SPAST: variants seen among roughly 807,000 people sequenced by gnomAD.
SPAST encodes the protein spastin.
A neutral mutation model predicts 76.6 loss-of-function variants in SPAST; 30 were observed. That is an observed-to-expected ratio of 0.39 (90% CI 0.29 to 0.53). SPAST has a LOEUF of 0.53. SPAST is among the 20% of genes least tolerant of loss of function. SPAST has a pLI of 0.68. For missense variants in SPAST, 717 were observed against 770.5 expected, an observed-to-expected ratio of 0.93 and a Z score of 0.82; for synonymous variants, 305 against 281.0, an observed-to-expected ratio of 1.09 and a Z score of -0.86.
intron 1 of SPAST, among the ~76,000 whole-genome samples, chr2:32,074,001 T>C (rs1217693785): frequency 6.6e-6 from 1 of 152,194 alleles, no homozygotes; most frequent in Non-Finnish European, 1.5e-5. Flanking sequence ...TTATCTATGG[T>C]TGAGCAAGTG....
rs121908515 is a variant in SPAST at position 32,063,962 on chromosome 2, C to T, written c.131C>T (p.Ser44Leu). 12,656 of 1,612,216 alleles carry T rather than the reference C, an allele frequency of 7.9e-3. 71 individuals carry two copies. Among genetic ancestry groups the T allele is most frequent in the Non-Finnish European group, 9.9e-3 (11,700 of 1,179,022 alleles). The change falls in exon 1 of 17, where the codon TCG becomes TTG. Residue 44 changes from serine to leucine, a missense_variant. Transcript: ENST00000315285. ...GCCGGGCCGGCCCCTCCGCCCGAGT[C>T]GCCGCATAAGCGGAACCTGTACTAT... is the stretch of plus-strand genomic sequence containing the variant. ...PAAGPAPPPE[S>L]PHKRNLYYFS...
chr2:32,151,111 ATT>A (rs1046375587), intron 16 of SPAST, among the ~76,000 whole-genome samples: 3 of 151,824 alleles, frequency 2.0e-5, no homozygotes, highest in African/African-American at 7.3e-5. Flanking sequence ...TGCCTGGCTA[ATT>A]TTGTGTTTTT....
At chr2:32,122,584 A>T (rs1280822076) in intron 7 of SPAST, among the ~76,000 whole-genome samples, 1 of 152,040 alleles carries the variant, frequency 6.6e-6, no homozygotes, top group Non-Finnish European at 1.5e-5. Context: ...GGCCTCCCAA[A>T]GTGCTGGGAT....
At chr2:32,147,058 A>G (rs1679909750) in intron 15 of SPAST, 160 bp from the exon 16 acceptor site, 1 of 591,208 alleles carries the variant, frequency 1.7e-6, no homozygotes, top group Non-Finnish European at 3.0e-6. Flanking sequence ...CAGCATTTAT[A>G]AATTGTATTT....
intron 3 of SPAST, among the ~76,000 whole-genome samples, chr2:32,090,461 A>G (rs1462763849): frequency 6.6e-6 from 1 of 152,188 alleles, no homozygotes; most frequent in Non-Finnish European, 1.5e-5. Flanking sequence ...AAAGATAAGG[A>G]TGTCAAAATA....
intron 16 of SPAST, among the ~76,000 whole-genome samples, chr2:32,150,231 C>G (rs1489747565): frequency 7.3e-6 from 1 of 137,596 alleles, no homozygotes; most frequent in Admixed American, 8.0e-5. Flanking sequence ...CGCCACCACG[C>G]CCAGCTAATT....
intron 9 of SPAST, chr2:32,130,309 A>G (rs1318843795): frequency 6.7e-6 from 1 of 150,348 alleles, no homozygotes; most frequent in African/African-American, 2.5e-5. Context: ...ACAAAACAAA[A>G]CAAACTTTTA....
chr2:32,117,021 G>A (rs1309042873), intron 7 of SPAST, among the ~76,000 whole-genome samples: 1 of 151,932 alleles, frequency 6.6e-6, no homozygotes, highest in Non-Finnish European at 1.5e-5. Context: ...AGCACTTTGG[G>A]AGGCTGAGGC....
intron 7 of SPAST, chr2:32,126,459 GGTTTT>G (rs1044475714): frequency 3.8e-5 from 5 of 130,520 alleles, no homozygotes; most frequent in Non-Finnish European, 6.6e-5. Context: ...CCGAGGAGTT[GGTTTT>G]ATTTCTTTTT....
rs147095433 is a variant in SPAST at position 32,149,533 on chromosome 2, G to A, written c.1728+2275G>A. Among the ~76,000 whole-genome samples the A allele has an allele frequency of 9.1e-4, 139 of 152,222 alleles. 4 individuals carry two copies. In the East Asian group the frequency reaches 0.025, roughly 27 times the overall value. On this transcript the variant is annotated intron_variant, in intron 16 of 16. Transcript: ENST00000315285. ...CTCTGTGAGCAAAATTTTGAAATCAGGCTTGAATTACAGTCAGCCTTTTCT... is the reference window on the plus strand; with the variant it reads ...CTCTGTGAGCAAAATTTTGAAATCAAGCTTGAATTACAGTCAGCCTTTTCT...
intron 3 of SPAST, among the ~76,000 whole-genome samples, chr2:32,096,541 T>C (rs1409414977): frequency 6.6e-6 from 1 of 152,218 alleles, no homozygotes; most frequent in Non-Finnish European, 1.5e-5. Context: ...TTGGAGCAGG[T>C]TCACAGAAGC....
Position 32,082,005 on chromosome 2 carries a change from CTTT to C in SPAST, c.416-5466_416-5464del, listed in dbSNP as rs35493322. ...TAAAACTTTTTTTCTAGTTCTCTCT[CTTT>C]TTTTTTTTTTTTTTTTTTTTGAGAC... On this transcript the variant is annotated intron_variant, in intron 1 of 16. Transcript: ENST00000315285. Among the ~76,000 whole-genome samples, 337 of 71,228 alleles carry C rather than the reference CTTT, an allele frequency of 4.7e-3. 1 individual carries two copies. The highest frequency in any genetic ancestry group is 0.017 in the African/African-American group (323 of 19,056). The allele number at this position is 71,228 out of a possible 152,430, so 46.7% of individuals were successfully genotyped here.
intron 4 of SPAST, among the ~76,000 whole-genome samples, chr2:32,105,696 G>A (rs944793369): frequency 6.6e-6 from 1 of 152,190 alleles, no homozygotes; most frequent in African/African-American, 2.4e-5. Context: ...ACCCTCAGCT[G>A]CAGGTCTGTT....
At chr2:32,110,666 T>C (rs534128591) in intron 4 of SPAST, among the ~76,000 whole-genome samples, 12 of 138,570 alleles carry the variant, frequency 8.7e-5, no homozygotes, top group African/African-American at 2.7e-4. Flanking sequence ...ATAGTATATA[T>C]AGTATATATA....
chr2:32,073,962 C>G (rs966833110), intron 1 of SPAST, among the ~76,000 whole-genome samples: 1 of 152,104 alleles, frequency 6.6e-6, no homozygotes, highest in Admixed American at 6.6e-5. Flanking sequence ...TTGTCAATGC[C>G]CTCCAGTCAG....
intron 10 of SPAST, 57 bp from the exon 11 acceptor site, chr2:32,136,820 C>A (rs1679550362): frequency 1.6e-5 from 22 of 1,381,340 alleles, no homozygotes; most frequent in Non-Finnish European, 2.0e-5. Flanking sequence ...AGATTAATCT[C>A]AGATGACTCA....
At chr2:32,142,995 G>T (rs897803866) in intron 13 of SPAST, among the ~76,000 whole-genome samples, 3 of 152,108 alleles carry the variant, frequency 2.0e-5, no homozygotes, top group African/African-American at 4.8e-5. Flanking sequence ...TCCAGGTGTG[G>T]TGTCTCACGC....
At chr2:32,146,285 G>A (rs144116585) in intron 15 of SPAST, among the ~76,000 whole-genome samples, 3 of 152,308 alleles carry the variant, frequency 2.0e-5, no homozygotes, top group African/African-American at 7.2e-5. Context: ...ATGGCCGGGT[G>A]CAGTGGCTCA....
intron 7 of SPAST, among the ~76,000 whole-genome samples, chr2:32,126,042 G>A (rs900904899): frequency 3.3e-5 from 5 of 152,064 alleles, no homozygotes; most frequent in African/African-American, 1.2e-4. Flanking sequence ...TGATCCGCCC[G>A]CCTTGGCCTC....
Sources: gnomAD v4.1 joint callset for allele counts (sites outside exome capture counted in the v4.1 genomes callset) on GRCh38, gnomAD v4.1.1 for gene constraint, MANE v1.5 for transcripts, NCBI Gene and HGNC (gene_info 2026-07-23, HGNC 2026-07-21) for gene names.